The following CA4 variants were observed in gnomAD, a reference collection of about 807,000 sequenced individuals.
The protein encoded by CA4 is CA-IV.
Under a neutral mutation model 34.5 loss-of-function variants are expected in CA4, and 24 were observed. The observed-to-expected ratio is 0.70, with a 90% CI of 0.50 to 0.98. CA4 has a LOEUF of 0.98. Among genes scored for constraint, CA4 ranks in the 50% least tolerant of loss-of-function variants. The pLI is 0.00. For missense variants in CA4, 394 were observed against 396.7 expected (o/e 0.99, Z 0.06); for synonymous variants, 178 against 170.6 (o/e 1.04, Z -0.34).
At position 60,157,473 on chromosome 17, in the gene CA4, G is replaced by T; in HGVS notation, c.315G>T (p.Leu105=). 6.2e-7 allele frequency: 1 copy of T among 1,614,164 alleles called. No homozygotes were observed. The highest frequency in any genetic ancestry group is 1.7e-5 in the Admixed American group (1 of 60,026). Residue 105 remains leucine, a synonymous_variant, in exon 4 of 8, where the codon CTG becomes CTT. Transcript: ENST00000300900. ...ENKASISGGG[L]PAPYQAKQLH... ...AGGCCAGCATTTCTGGAGGAGGACT[G>T]CCTGCCCCATACCAGGCCAAACAGT...
At position 60,150,109 on chromosome 17, in the gene CA4, C is replaced by G. The variant is rs2083561075; in HGVS notation, c.58+17C>G. The G allele has an allele frequency of 6.3e-7, 1 of 1,591,158 alleles. No homozygotes were observed. The highest frequency in any genetic ancestry group is 1.7e-5 in the Admixed American group (1 of 59,604). On this transcript the variant is annotated intron_variant, in intron 1 of 7. Transcript: ENST00000300900. The stretch of plus-strand genomic sequence containing the variant: ...CCAGTGCAGGTGAGCTCCCGGGCTC[C>G]GGCCCCAGGTGCCCCTCGGCGGTCC...
At chr17:60,151,941 G>T (rs752968246) in intron 1 of CA4, among the ~76,000 whole-genome samples, 1 of 151,920 alleles carries the variant, frequency 6.6e-6, no homozygotes, top group Non-Finnish European at 1.5e-5. Flanking sequence ...CTTTGCCCAG[G>T]AAACACTTGG....
intron 2 of CA4, 81 bp from the exon 3 acceptor site, chr17:60,156,479 G>A (rs889994817): frequency 7.2e-6 from 10 of 1,384,146 alleles, no homozygotes; most frequent in Non-Finnish European, 1.0e-5. Flanking sequence ...TGAGTGGGTG[G>A]GCCTGACTTC....
chr17:60,169,262 A>AGC (rs1555574045), intron 5 of CA4, among the ~76,000 whole-genome samples: 1 of 149,660 alleles, frequency 6.7e-6, no homozygotes, highest in Non-Finnish European at 1.5e-5. Context: ...AAAAAAAAAA[A>AGC]AGCAGCAGCA....
chr17:60,157,941 G>T (rs1462481398), intron 5 of CA4, 120 bp from the exon 6 acceptor site: 1 of 1,555,898 alleles, frequency 6.4e-7, no homozygotes, highest in South Asian at 1.2e-5. Context: ...GGCCAGGTGG[G>T]GAGCCCAGAG....
At chr17:60,151,645 G>C (rs763528418) in intron 1 of CA4, 13 of 152,224 alleles carry the variant, frequency 8.5e-5, no homozygotes, top group Non-Finnish European at 1.5e-4. Flanking sequence ...TGTGTGGCAC[G>C]TGGCTGGTGT....
chr17:60,159,115 A>C (rs1461197678), intron 7 of CA4, 115 bp from the exon 8 acceptor site: 5 of 868,854 alleles, frequency 5.8e-6, no homozygotes, highest in South Asian at 1.4e-5. Flanking sequence ...AGGGGTTCAG[A>C]GCCCCTCTTT....
At chr17:60,166,726 G>A (rs1314079257) in intron 5 of CA4, among the ~76,000 whole-genome samples, 2 of 152,030 alleles carry the variant, frequency 1.3e-5, no homozygotes, top group Non-Finnish European at 1.5e-5. Flanking sequence ...GAGGCCAAGG[G>A]GGGGGCGGAT....
chr17:60,158,169 G>A, intron 6 of CA4, 42 bp downstream of exon 6: 1 of 1,594,226 alleles, frequency 6.3e-7, no homozygotes, highest in African/African-American at 1.3e-5. Flanking sequence ...TGAGGGGGGG[G>A]ATTCCTCCCA....
intron 7 of CA4, chr17:60,158,804 G>A (rs1216164368): frequency 9.5e-6 from 4 of 420,486 alleles, no homozygotes; most frequent in African/African-American, 2.0e-5. Context: ...CTGGACCAGT[G>A]GAGTCAACAT....
intron 1 of CA4, among the ~76,000 whole-genome samples, chr17:60,151,078 G>T (rs1466622232): frequency 1.3e-5 from 2 of 152,196 alleles, no homozygotes; most frequent in African/African-American, 4.8e-5. Flanking sequence ...GTTAATATTT[G>T]ATAAGAAGCT....
chr17:60,153,928 A>G (rs1380998211), intron 1 of CA4, among the ~76,000 whole-genome samples: 3 of 152,126 alleles, frequency 2.0e-5, no homozygotes, highest in African/African-American at 7.2e-5. Flanking sequence ...AGGGCAGGGA[A>G]ACTCCAAAGC....
At chr17:60,157,371 G>T in intron 3 of CA4, 56 bp from the exon 4 acceptor site, 1 of 1,600,142 alleles carries the variant, frequency 6.2e-7, no homozygotes, top group Non-Finnish European at 8.6e-7. Context: ...GGGATGAAGA[G>T]CTAGAGGAGG....
rs545060770 is a variant in CA4 at position 60,159,419 on chromosome 17, C to T, written c.934C>T (p.Arg312Ter). ...GGCCTGCCTGCTGGCCGGCTTCCTG[C>T]GATGATGGCTCACTTCTGCACGCAG... ...MLACLLAGFLR is the reference protein window; with the variant it reads ...MLACLLAGFL The change falls in exon 8 of 8, where the codon CGA becomes TGA. Residue 312 changes from arginine to a stop codon, truncating the protein, a stop_gained. Coordinates refer to ENST00000300900, the MANE Select transcript of CA4 (RefSeq NM_000717.5). LOFTEE classifies it high-confidence loss of function. 11 of 1,611,426 alleles carry T rather than the reference C, an allele frequency of 6.8e-6. No individual in the cohort carries two copies. The highest frequency in any genetic ancestry group is 2.2e-5 in the East Asian group (1 of 44,872).
chr17:60,164,224 CTT>C (rs1196556021), downstream of CA4, among the ~76,000 whole-genome samples: 32 of 131,778 alleles, frequency 2.4e-4, no homozygotes, highest in Admixed American at 5.0e-4. Context: ...CTTTCTTTCT[CTT>C]TCTCTTTCTC....
chr17:60,155,504 C>A (rs888997270), intron 2 of CA4, 137 bp downstream of exon 2: 1 of 619,516 alleles, frequency 1.6e-6, no homozygotes, highest in South Asian at 1.6e-5. Context: ...AGCATACACA[C>A]ACACACACAC....
downstream of CA4, among the ~76,000 whole-genome samples, chr17:60,172,325 C>T (rs1275055247): frequency 3.3e-5 from 5 of 152,198 alleles, no homozygotes; most frequent in Non-Finnish European, 1.5e-5. Flanking sequence ...CTGTCCAGAG[C>T]TCTTCTAGGT....
chr17:60,179,000 C>A, the CA4 span: 2 of 388,318 alleles, frequency 5.2e-6, no homozygotes, highest in Non-Finnish European at 9.2e-6. Context: ...TGGCTGGTGC[C>A]AAACCTTTTG....
Position 60,157,695 on chromosome 17 carries a change from C to T in CA4, c.420C>T (p.His140=), listed in dbSNP as rs747152606. 1 of 1,613,800 alleles carries T rather than the reference C, an allele frequency of 6.2e-7. No homozygotes were observed. The highest frequency in any genetic ancestry group is 1.1e-5 in the South Asian group (1 of 91,084). Reference sequence around the variant, plus strand: ...CACCCCTCCACCCCGACCAGATGCACATAGTACATGAGAAAGAGAAGGGGA... The same window carrying T: ...CACCCCTCCACCCCGACCAGATGCATATAGTACATGAGAAAGAGAAGGGGA... ...LDGEHFAMEM[H]IVHEKEKGTS... Residue 140 remains histidine, a synonymous_variant, in exon 5 of 8, where the codon CAC becomes CAT. Coordinates refer to ENST00000300900, the MANE Select transcript of CA4 (RefSeq NM_000717.5).
Sources: gnomAD v4.1 joint callset for allele counts (sites outside exome capture counted in the v4.1 genomes callset) on GRCh38, gnomAD v4.1.1 for gene constraint, MANE v1.5 for transcripts, NCBI Gene and HGNC (gene_info 2026-07-23, HGNC 2026-07-21) for gene names.